Variants in HSD17B2 observed in about 807,000 individuals in gnomAD.
HSD17B2 encodes the protein hydroxysteroid 17-beta dehydrogenase 2, also known as 17-beta-hydroxysteroid dehydrogenase type 2.
A neutral mutation model predicts 26.9 loss-of-function variants in HSD17B2; 32 were observed. That is an observed-to-expected ratio of 1.19 (90% CI 0.90 to 1.60). HSD17B2 has a LOEUF of 1.60. HSD17B2 is among the 40% of genes most tolerant of loss of function. The pLI is 0.00. For missense variants in HSD17B2, 613 were observed against 468.6 expected, an observed-to-expected ratio of 1.31 and a Z score of -2.85; for synonymous variants, 246 against 186.7, an observed-to-expected ratio of 1.32 and a Z score of -2.59.
intron 3 of HSD17B2, among the ~76,000 whole-genome samples, chr16:82,081,699 G>A (rs558990164): frequency 4.6e-5 from 7 of 152,282 alleles, no homozygotes; most frequent in South Asian, 2.1e-4. Flanking sequence ...TTCCCTGAAG[G>A]TTATGAGTTA....
At chr16:82,054,776 G>A (rs1283474889) in intron 1 of HSD17B2, among the ~76,000 whole-genome samples, 1 of 152,110 alleles carries the variant, frequency 6.6e-6, no homozygotes, top group East Asian at 1.9e-4. Flanking sequence ...CCCCACTAGT[G>A]TCTTTAGCAG....
intron 1 of HSD17B2, among the ~76,000 whole-genome samples, chr16:82,060,862 A>G (rs1914418423): frequency 6.6e-6 from 1 of 152,218 alleles, no homozygotes; most frequent in Admixed American, 6.5e-5. Context: ...TGGCTAGAAA[A>G]GCAGTGAGGA....
chr16:82,098,308 T>C lies in HSD17B2; in HGVS notation c.1036T>C (p.Leu346=). The C allele has an allele frequency of 3.1e-6, 5 of 1,614,200 alleles. No homozygotes were observed. Among genetic ancestry groups the C allele is most frequent in the Non-Finnish European group, 4.2e-6 (5 of 1,180,020 alleles). The change falls in exon 5 of 5, where the codon TTG becomes CTG. Residue 346 remains leucine (L), a synonymous_variant. Transcript: ENST00000199936. ...TTACACGCCAGGGAAAGGCGCTTAC[T>C]TGTGGATCTGCCTTGCTCACTATTT... ...AYYTPGKGAY[L]WICLAHYLPI... is the part of the protein sequence containing the mutation.
intron 3 of HSD17B2, among the ~76,000 whole-genome samples, chr16:82,077,116 A>C (rs752536100): frequency 6.6e-6 from 1 of 152,232 alleles, no homozygotes; most frequent in African/African-American, 2.4e-5. Flanking sequence ...GATTCAATGC[A>C]ATCCATATCC....
At chr16:82,069,975 C>T (rs868775171) in intron 2 of HSD17B2, among the ~76,000 whole-genome samples, 6 of 152,142 alleles carry the variant, frequency 3.9e-5, no homozygotes, top group Non-Finnish European at 7.3e-5. Context: ...CAATGTGATG[C>T]TAATGTTAGC....
intron 3 of HSD17B2, among the ~76,000 whole-genome samples, chr16:82,079,071 G>A (rs934409254): frequency 6.6e-6 from 1 of 152,172 alleles, no homozygotes; most frequent in Non-Finnish European, 1.5e-5. Context: ...TTAAGGTGAT[G>A]GAGACTCCAT....
chr16:82,052,577 A>G (rs1278161543), intron 1 of HSD17B2: 1 of 152,256 alleles, frequency 6.6e-6, no homozygotes, highest in Non-Finnish European at 1.5e-5. Context: ...CACCCTGGGC[A>G]TGCATTTCCC....
intron 1 of HSD17B2, among the ~76,000 whole-genome samples, chr16:82,036,321 TG>T (rs1913623878): frequency 2.5e-4 from 2 of 7,882 alleles, no homozygotes; most frequent in Non-Finnish European, 4.9e-4. Context: ...TTCCCTTGTT[TG>T]TGTGTGTGTG....
At chr16:82,068,439 T>C in intron 2 of HSD17B2, 57 bp downstream of exon 2, 1 of 1,454,154 alleles carries the variant, frequency 6.9e-7, no homozygotes, top group East Asian at 2.4e-5. Context: ...CCAGCTCTTG[T>C]TCCGGCTTAG....
At chr16:82,037,015 A>T (rs1913643235) in intron 1 of HSD17B2, among the ~76,000 whole-genome samples, 1 of 152,194 alleles carries the variant, frequency 6.6e-6, no homozygotes, top group Non-Finnish European at 1.5e-5. Context: ...AACATTCTTT[A>T]TCCTCTGCAT....
intron 3 of HSD17B2, among the ~76,000 whole-genome samples, chr16:82,079,460 G>C (rs1392913230): frequency 6.6e-6 from 1 of 152,108 alleles, no homozygotes; most frequent in Non-Finnish European, 1.5e-5. Flanking sequence ...CTTCTTATAA[G>C]AATGGCAGTC....
chr16:82,064,831 T>C (rs1015137314), intron 1 of HSD17B2, among the ~76,000 whole-genome samples: 1 of 152,208 alleles, frequency 6.6e-6, no homozygotes, highest in African/African-American at 2.4e-5. Context: ...GCTTTGCCTC[T>C]TGTTACTCTT....
At chr16:82,084,606 A>C (rs868604120) in intron 3 of HSD17B2, among the ~76,000 whole-genome samples, 70 of 152,212 alleles carry the variant, frequency 4.6e-4, no homozygotes, top group African/African-American at 1.6e-3. Flanking sequence ...AAACAATTCT[A>C]ATTGTACAAA....
intron 1 of HSD17B2, 116 bp downstream of exon 1, chr16:82,035,805 A>G: frequency 3.7e-6 from 4 of 1,084,670 alleles, no homozygotes; most frequent in Non-Finnish European, 4.0e-6. Flanking sequence ...AGTAAATGAA[A>G]GCCCTCACCC....
chr16:82,043,925 A>G (rs545076427), intron 1 of HSD17B2, among the ~76,000 whole-genome samples: 2 of 152,100 alleles, frequency 1.3e-5, no homozygotes, highest in African/African-American at 4.8e-5. Flanking sequence ...CTTGAAGTTA[A>G]CTCTGCTCTT....
intron 1 of HSD17B2, among the ~76,000 whole-genome samples, chr16:82,065,163 G>A (rs1300881809): frequency 2.0e-5 from 3 of 152,192 alleles, no homozygotes; most frequent in Non-Finnish European, 2.9e-5. Context: ...CAAGGCCAAA[G>A]GAAGGATTGG....
intron 4 of HSD17B2, chr16:82,095,641 G>C (rs1013507825): frequency 6.6e-6 from 1 of 152,240 alleles, no homozygotes; most frequent in African/African-American, 2.4e-5. Flanking sequence ...TACTGCAGCA[G>C]TGCCTGAAAT....
At position 82,071,092 on chromosome 16, in the gene HSD17B2, C is replaced by G. The variant is rs766160176; in HGVS notation, c.629C>G (p.Ser210Cys). The G allele has an allele frequency of 2.5e-6, 4 of 1,614,158 alleles. No homozygotes were observed. Among genetic ancestry groups the G allele is most frequent in the Middle Eastern group, 1.6e-4 (1 of 6,062 alleles). Residue 210 changes from serine to cysteine, a missense_variant, in exon 3 of 5, where the codon TCC becomes TGC. Transcript: ENST00000199936. ...ACGTTTTTGCCTCTTCTTAGAAAAT[C>G]CAAAGGGAGGCTGGTGAATGTCAGC... ...TKTFLPLLRK[S>C]KGRLVNVSSM...
Position 82,098,485 on chromosome 16 carries a change from A to G in HSD17B2, c.*49A>G. 6.6e-7 allele frequency: 1 copy of G among 1,525,672 alleles called. No individual in the cohort carries two copies. Among genetic ancestry groups the G allele is most frequent in the Admixed American group, 2.2e-5 (1 of 45,132 alleles). The allele number at this position is 1,525,672 out of a possible 1,614,324, so 94.5% of individuals were successfully genotyped here. A position where few individuals can be genotyped will look rare whatever the true frequency, so the allele number is the denominator to read the frequency against. ...CGGAATGTCATAGTCTTGAAATGAA[A>G]GGGAAACTGGGAAACTGGGTTTCTC... On this transcript the variant is annotated 3_prime_UTR_variant, in exon 5 of 5. Transcript: ENST00000199936.
Sources: allele counts gnomAD v4.1 joint callset (sites outside exome capture counted in the v4.1 genomes callset), GRCh38; gene constraint gnomAD v4.1.1; transcripts MANE v1.5; gene names NCBI Gene and HGNC (gene_info 2026-07-23, HGNC 2026-07-21).